The following ERBB4 variants were observed in gnomAD, a reference collection of about 807,000 sequenced individuals.
ERBB4 encodes erb-b2 receptor tyrosine kinase 4.
A neutral mutation model predicts 158.0 loss-of-function variants in ERBB4; 42 were observed. The ratio of observed to expected loss-of-function variants is 0.27; its 90% CI spans 0.21 to 0.34. The LOEUF (loss-of-function observed/expected upper bound fraction) is 0.34. Ranked by LOEUF, ERBB4 falls within the 10% of genes least tolerant of loss-of-function variation. The pLI is 1.00. For missense variants in ERBB4, 1,333 were observed against 1,624.1 expected (o/e 0.82, Z 3.08); for synonymous variants, 583 against 558.7 (o/e 1.04, Z -0.61).
intron 1 of ERBB4, among the ~76,000 whole-genome samples, chr2:212,145,727 TAAAAAAAAAA>T (rs5838300): frequency 6.2e-4 from 55 of 88,882 alleles, no homozygotes; most frequent in African/African-American, 1.9e-3. Context: ...CAGCATGCAG[TAAAAAAAAAA>T]AAAAAAAAAA....
At chr2:211,406,869 C>T (rs1246767425) in intron 25 of ERBB4, among the ~76,000 whole-genome samples, 1 of 151,880 alleles carries the variant, frequency 6.6e-6, no homozygotes, top group African/African-American at 2.4e-5. Context: ...TTGCTTGAGC[C>T]CAGGAATTTG....
At chr2:211,960,717 A>C (rs2081159240) in intron 2 of ERBB4, 1 of 152,058 alleles carries the variant, frequency 6.6e-6, no homozygotes, top group Non-Finnish European at 1.5e-5. Flanking sequence ...ACACAGCAGA[A>C]GGGGCAAGGG....
At chr2:211,396,079 A>T (rs1023962309) in intron 25 of ERBB4, among the ~76,000 whole-genome samples, 1 of 152,084 alleles carries the variant, frequency 6.6e-6, no homozygotes, top group African/African-American at 2.4e-5. Flanking sequence ...TTGAAATGTA[A>T]TGTCTTTGCC....
intron 16 of ERBB4, among the ~76,000 whole-genome samples, chr2:211,635,180 A>G (rs2070312644): frequency 1.3e-5 from 2 of 152,184 alleles, no homozygotes. Context: ...ATCAAGTCCA[A>G]GCTTAGACTA....
At chr2:212,120,818 A>T (rs1236995529) in intron 2 of ERBB4, among the ~76,000 whole-genome samples, 2 of 152,240 alleles carry the variant, frequency 1.3e-5, no homozygotes, top group Non-Finnish European at 2.9e-5. Flanking sequence ...AATTTGGTGC[A>T]TAAATGTAGA....
At chr2:212,218,099 T>C (rs2083160846) in intron 1 of ERBB4, among the ~76,000 whole-genome samples, 1 of 151,302 alleles carries the variant, frequency 6.6e-6, no homozygotes, top group Non-Finnish European at 1.5e-5. Context: ...AATAAAGTAG[T>C]TCTTTACTAT....
chr2:211,905,783 A>G lies in ERBB4; in HGVS notation c.421+41647T>C, dbSNP rs1288088280. Among the ~76,000 whole-genome samples, 16 of 146,738 alleles carry G rather than the reference A, an allele frequency of 1.1e-4. No individual in the cohort carries two copies. The Admixed American group carries it at 1.1e-3, about 10-fold the overall frequency. On this transcript the variant is annotated intron_variant, in intron 3 of 27. Transcript: ENST00000342788. ...ATATATACTATTATGTATACAACAC[A>G]TAGGATGAGAGAAAGTCTCTTTGAA...
intron 1 of ERBB4, among the ~76,000 whole-genome samples, chr2:212,460,259 T>C (rs1039645913): frequency 6.6e-6 from 1 of 152,124 alleles, no homozygotes; most frequent in Non-Finnish European, 1.5e-5. Context: ...TGAAAATGGA[T>C]GAATACAGCA....
intron 3 of ERBB4, among the ~76,000 whole-genome samples, chr2:211,843,751 T>C (rs2077529145): frequency 6.6e-6 from 1 of 152,006 alleles, no homozygotes. Flanking sequence ...AAGAAAAGGC[T>C]ATTTGCTCTG....
chr2:211,616,939 T>A (rs780334289), intron 19 of ERBB4, among the ~76,000 whole-genome samples: 19 of 152,098 alleles, frequency 1.2e-4, no homozygotes, highest in Non-Finnish European at 2.1e-4. Context: ...AAATGACTCC[T>A]TTCATGGCTC....
chr2:211,520,001 AG>A (rs1487708913), intron 20 of ERBB4, among the ~76,000 whole-genome samples: 1 of 152,156 alleles, frequency 6.6e-6, no homozygotes, highest in African/African-American at 2.4e-5. Context: ...CCATGTGAGG[AG>A]GGGAAGCCTT....
At chr2:211,778,880 A>AAG (rs1307372299) in intron 4 of ERBB4, 2 of 152,206 alleles carry the variant, frequency 1.3e-5, no homozygotes, top group African/African-American at 4.8e-5. Flanking sequence ...AGCCTCTGGC[A>AAG]TTACTACACT....
At chr2:211,600,209 T>A (rs1031190119) in intron 19 of ERBB4, among the ~76,000 whole-genome samples, 1 of 152,210 alleles carries the variant, frequency 6.6e-6, no homozygotes, top group African/African-American at 2.4e-5. Context: ...TTTTTCAATT[T>A]CATTTCCTTA....
At chr2:212,458,174 T>C (rs374131536) in intron 1 of ERBB4, among the ~76,000 whole-genome samples, 20 of 152,152 alleles carry the variant, frequency 1.3e-4, no homozygotes, top group African/African-American at 4.6e-4. Flanking sequence ...AGCAGAAACA[T>C]TGGAAAGCAA....
intron 1 of ERBB4, among the ~76,000 whole-genome samples, chr2:212,132,627 C>A (rs1009595796): frequency 5.3e-5 from 8 of 152,122 alleles, no homozygotes; most frequent in Admixed American, 3.3e-4. Context: ...AAACTGGAAT[C>A]TATACCATTG....
chr2:212,380,858 A>G (rs115994499), intron 1 of ERBB4, among the ~76,000 whole-genome samples: 2,474 of 151,304 alleles, frequency 0.016, 37 homozygotes, highest in South Asian at 0.078. Context: ...CTTAAAGTTT[A>G]TTCAAATAAT....
At chr2:212,534,340 T>A (rs1043677499) in intron 1 of ERBB4, among the ~76,000 whole-genome samples, 1 of 152,172 alleles carries the variant, frequency 6.6e-6, no homozygotes, top group Non-Finnish European at 1.5e-5. Context: ...ATTTTTTAAA[T>A]AGCAGTGGTC....
chr2:211,465,327 T>C (rs2064652779), intron 20 of ERBB4, among the ~76,000 whole-genome samples: 1 of 150,470 alleles, frequency 6.6e-6, no homozygotes, highest in Non-Finnish European at 1.5e-5. Context: ...CCCAGCTGAG[T>C]CCAGTCAATC....
At chr2:212,266,286 AC>A (rs1171252646) in intron 1 of ERBB4, among the ~76,000 whole-genome samples, 1 of 151,966 alleles carries the variant, frequency 6.6e-6, no homozygotes, top group East Asian at 1.9e-4. Flanking sequence ...ATATAACCAT[AC>A]CAAAAGAAGG....
Sources: gnomAD v4.1 joint callset for allele counts (sites outside exome capture counted in the v4.1 genomes callset) on GRCh38, gnomAD v4.1.1 for gene constraint, MANE v1.5 for transcripts, NCBI Gene and HGNC (gene_info 2026-07-23, HGNC 2026-07-21) for gene names.